Variants in APBA1 observed in about 807,000 individuals in gnomAD.
APBA1 encodes the protein amyloid beta precursor protein binding family A member 1.
Under a neutral mutation model 86.6 loss-of-function variants are expected in APBA1, and 55 were observed. That is an observed-to-expected ratio of 0.64 (90% CI 0.51 to 0.80). APBA1 has a LOEUF of 0.80. Ranked by LOEUF, APBA1 falls within the 30% of genes least tolerant of loss-of-function variation. The probability of loss-of-function intolerance (pLI) is 0.00; values close to 1 mark genes in which losing one functional copy is unlikely to be tolerated. For missense variants in APBA1, 1,090 were observed against 1,183.0 expected (o/e 0.92, Z 1.15); for synonymous variants, 511 against 493.9 (o/e 1.03, Z -0.46).
intron 1 of APBA1, among the ~76,000 whole-genome samples, chr9:69,664,292 G>A (rs543130551): frequency 4.6e-5 from 7 of 152,148 alleles, no homozygotes; most frequent in Admixed American, 2.0e-4. Flanking sequence ...GCTTGTCTTG[G>A]ATGTCTTTAC....
intron 1 of APBA1, among the ~76,000 whole-genome samples, chr9:69,572,513 G>A (rs947315255): frequency 2.0e-5 from 3 of 152,172 alleles, no homozygotes; most frequent in East Asian, 1.9e-4. Context: ...GCCTTCATGT[G>A]TATTGTTCCC....
At chr9:69,649,790 G>A (rs949072625) in intron 1 of APBA1, among the ~76,000 whole-genome samples, 5 of 152,132 alleles carry the variant, frequency 3.3e-5, no homozygotes, top group Admixed American at 6.5e-5. Flanking sequence ...GGGTCTGGAG[G>A]AATAACTCAT....
At position 69,472,060 on chromosome 9, in the gene APBA1, G is replaced by A. The variant is rs565974628; in HGVS notation, c.1297-365C>T. On this transcript the variant is annotated intron_variant, in intron 3 of 12. Coordinates refer to ENST00000265381, the MANE Select transcript of APBA1 (RefSeq NM_001163.4). ...AAAACTGATTAGTGAAAGCACCAAT[G>A]CTATGATTATAGCTGAAATTAAGAA... Among the ~76,000 whole-genome samples, 213 of 152,254 alleles carry A rather than the reference G, an allele frequency of 1.4e-3. 1 individual carries two copies. Among genetic ancestry groups the A allele is most frequent in the Middle Eastern group, 3.4e-3 (1 of 294 alleles).
chr9:69,485,461 T>C (rs1440392496), intron 2 of APBA1, among the ~76,000 whole-genome samples: 2 of 152,046 alleles, frequency 1.3e-5, no homozygotes, highest in East Asian at 1.9e-4. Flanking sequence ...AAAGAATAAT[T>C]TGGAGGCAAA....
At chr9:69,522,246 T>C (rs913174600) in intron 1 of APBA1, among the ~76,000 whole-genome samples, 2 of 152,016 alleles carry the variant, frequency 1.3e-5, no homozygotes, top group South Asian at 4.2e-4. Flanking sequence ...ACAGAGGGTA[T>C]ACAGAAGGTG....
chr9:69,435,814 T>C (rs1422544531), intron 11 of APBA1, among the ~76,000 whole-genome samples: 1 of 152,232 alleles, frequency 6.6e-6, no homozygotes, highest in African/African-American at 2.4e-5. Flanking sequence ...CATTTGTCAA[T>C]TATGGCTTTT....
intron 1 of APBA1, among the ~76,000 whole-genome samples, chr9:69,567,790 G>A (rs1837052149): frequency 1.3e-5 from 2 of 152,240 alleles, no homozygotes; most frequent in East Asian, 1.9e-4. Context: ...ACTGGGGTCC[G>A]GGACATCCTG....
chr9:69,605,326 G>A (rs1822451363), intron 1 of APBA1, among the ~76,000 whole-genome samples: 1 of 151,566 alleles, frequency 6.6e-6, no homozygotes, highest in African/African-American at 2.4e-5. Flanking sequence ...TTATGCATAA[G>A]ATTATAAATA....
At chr9:69,662,353 C>G (rs937949487) in intron 1 of APBA1, among the ~76,000 whole-genome samples, 1 of 152,178 alleles carries the variant, frequency 6.6e-6, no homozygotes. Flanking sequence ...GTACTTAGCG[C>G]AATGCCTGAC....
chr9:69,640,716 G>A (rs1034960762), intron 1 of APBA1, among the ~76,000 whole-genome samples: 2 of 151,966 alleles, frequency 1.3e-5, no homozygotes, highest in African/African-American at 2.4e-5. Flanking sequence ...TTCAGAAAAA[G>A]CATTTCACAA....
intron 1 of APBA1, among the ~76,000 whole-genome samples, chr9:69,627,252 G>T (rs555281591): frequency 2.0e-5 from 3 of 152,138 alleles, no homozygotes; most frequent in Non-Finnish European, 2.9e-5. Flanking sequence ...TGTTGTTGTT[G>T]TCATCTTATT....
intron 1 of APBA1, among the ~76,000 whole-genome samples, chr9:69,604,189 C>T (rs1206337442): frequency 6.6e-6 from 1 of 150,846 alleles, no homozygotes; most frequent in Admixed American, 6.6e-5. Context: ...AGTGTGGGCA[C>T]GCATGCACAC....
rs147906457 is a variant in APBA1 at position 69,653,126 on chromosome 9, T to A, written c.-70+19027A>T. 3.3e-5 allele frequency among the ~76,000 whole-genome samples: 5 copies of A among 151,120 alleles called. No individual in the cohort carries two copies. The East Asian group carries it at 7.8e-4, about 24-fold the overall frequency. On this transcript the variant is annotated intron_variant, in intron 1 of 12. Coordinates refer to ENST00000265381, the MANE Select transcript of APBA1 (RefSeq NM_001163.4). ...AATGGAAAAATATATTCCATGCAAA[T>A]GGAAACTAAAAAAGAGCAGGAGTAG...
At chr9:69,589,313 A>G (rs1215884206) in intron 1 of APBA1, among the ~76,000 whole-genome samples, 2 of 152,204 alleles carry the variant, frequency 1.3e-5, no homozygotes, top group African/African-American at 4.8e-5. Context: ...TTAGAAGATA[A>G]TCAATCACTG....
chr9:69,569,921 GGTGA>G (rs1307161981), intron 1 of APBA1, among the ~76,000 whole-genome samples: 1 of 152,162 alleles, frequency 6.6e-6, no homozygotes, highest in Non-Finnish European at 1.5e-5. Flanking sequence ...CTTCATTGTG[GGTGA>G]GTAACATTGT....
intron 1 of APBA1, among the ~76,000 whole-genome samples, chr9:69,652,286 G>C (rs1823519332): frequency 6.6e-6 from 1 of 152,148 alleles, no homozygotes; most frequent in Non-Finnish European, 1.5e-5. Flanking sequence ...CTAGACACAG[G>C]CCCTCTGGTT....
rs1211527749 is a variant in APBA1 at position 69,428,847 on chromosome 9, C to T, written c.*2480G>A. 2.0e-5 allele frequency: 3 copies of T among 152,234 alleles called. No individual in the cohort carries two copies. The highest frequency in any genetic ancestry group is 7.2e-5 in the African/African-American group (3 of 41,460). 9.4% of individuals were successfully genotyped at this position (152,234 alleles called of 1,614,324 possible). ...CTGTACCGAGCTCCAGCAACTTCCA[C>T]TCACTGGGTGTGAAGACACACCTGG... On this transcript the variant is annotated 3_prime_UTR_variant, in exon 13 of 13. Coordinates refer to ENST00000265381, the MANE Select transcript of APBA1 (RefSeq NM_001163.4).
intron 1 of APBA1, among the ~76,000 whole-genome samples, chr9:69,544,667 T>C (rs1293032171): frequency 1.3e-5 from 2 of 152,210 alleles, no homozygotes; most frequent in Non-Finnish European, 2.9e-5. Flanking sequence ...TGAAGACATA[T>C]GATGACTAAA....
intron 1 of APBA1, among the ~76,000 whole-genome samples, chr9:69,619,022 G>A (rs761873996): frequency 1.4e-4 from 22 of 152,258 alleles, no homozygotes; most frequent in Middle Eastern, 6.8e-3. Context: ...TTGGCATATG[G>A]CAGGTACCTA....
Sources: allele counts gnomAD v4.1 joint callset (sites outside exome capture counted in the v4.1 genomes callset), GRCh38; gene constraint gnomAD v4.1.1; transcripts MANE v1.5; gene names NCBI Gene and HGNC (gene_info 2026-07-23, HGNC 2026-07-21).